The following TGFBR2 variants were observed in gnomAD, a reference collection of about 807,000 sequenced individuals.
TGFBR2 encodes the protein TGF-beta receptor type-2.
TGFBR2 carries 18 observed loss-of-function variants against 49.0 expected under a neutral mutation model. That is an observed-to-expected ratio of 0.37 (90% CI 0.25 to 0.54). The LOEUF (loss-of-function observed/expected upper bound fraction) is 0.54. Ranked by LOEUF, TGFBR2 falls within the 20% of genes least tolerant of loss-of-function variation. TGFBR2 has a pLI of 0.85. For synonymous variants in TGFBR2, 282 were observed against 275.9 expected (o/e 1.02, Z -0.22); for missense variants, 525 against 722.6 (o/e 0.73, Z 3.13).
At position 30,612,088 on chromosome 3, in the gene TGFBR2, T is replaced by C. The variant is rs536042597; in HGVS notation, c.94+5111T>C. Among the ~76,000 whole-genome samples the C allele has an allele frequency of 2.0e-5, 3 of 152,324 alleles. No homozygotes were observed. The South Asian group carries it at 6.2e-4, about 32-fold the overall frequency. ...GGCAAGATAATGACTCATACTTCTT[T>C]GCTTGGCATGCCAAAGGGTTTGGAA... On this transcript the variant is annotated intron_variant, in intron 1 of 6. Coordinates refer to ENST00000295754, the MANE Select transcript of TGFBR2 (RefSeq NM_003242.6).
chr3:30,666,187 C>T (rs548137805), intron 3 of TGFBR2, among the ~76,000 whole-genome samples: 1 of 152,134 alleles, frequency 6.6e-6, no homozygotes, highest in African/African-American at 2.4e-5. Context: ...CTATTATAGC[C>T]TCATTTTTTT....
chr3:30,657,316 G>A (rs1182794851), intron 3 of TGFBR2, among the ~76,000 whole-genome samples: 3 of 152,188 alleles, frequency 2.0e-5, no homozygotes, highest in Non-Finnish European at 4.4e-5. Context: ...CACTGAGCAT[G>A]TCCTTGGCAA....
At chr3:30,675,390 A>AT (rs892821908) in intron 5 of TGFBR2, among the ~76,000 whole-genome samples, 1 of 92,694 alleles carries the variant, frequency 1.1e-5, no homozygotes, top group African/African-American at 4.4e-5. Flanking sequence ...AACTAACTCC[A>AT]CCCTTTTTTT....
chr3:30,646,095 G>T (rs1016464385), intron 2 of TGFBR2, among the ~76,000 whole-genome samples: 3 of 152,106 alleles, frequency 2.0e-5, no homozygotes, highest in Admixed American at 6.5e-5. Flanking sequence ...CTGGCTAGTT[G>T]ACAAACAAGA....
chr3:30,679,928 C>T (rs1025323767), intron 5 of TGFBR2, among the ~76,000 whole-genome samples: 1 of 152,168 alleles, frequency 6.6e-6, no homozygotes, highest in Non-Finnish European at 1.5e-5. Context: ...GAGTTTAAGA[C>T]CAGCCTGGCC....
chr3:30,685,787 C>A (rs1265708254), intron 5 of TGFBR2, among the ~76,000 whole-genome samples: 1 of 152,220 alleles, frequency 6.6e-6, no homozygotes, highest in Non-Finnish European at 1.5e-5. Context: ...TATGAGCCAA[C>A]ACCTGTGGCA....
chr3:30,633,751 T>G (rs915744437), intron 1 of TGFBR2, among the ~76,000 whole-genome samples: 14 of 152,194 alleles, frequency 9.2e-5, no homozygotes, highest in Non-Finnish European at 8.8e-5. Context: ...CAGTTTTGCA[T>G]GTGAAATCTC....
Position 30,691,634 on chromosome 3 carries a change from G to A in TGFBR2, c.*35G>A. ...GGCAGGCTGGGCCATGTCCAAAGAG[G>A]CTGCCCCTCTCACCAAAGAACAGAG... On this transcript the variant is annotated 3_prime_UTR_variant, in exon 7 of 7. Coordinates refer to ENST00000295754, the MANE Select transcript of TGFBR2 (RefSeq NM_003242.6). 2.5e-6 allele frequency: 4 copies of A among 1,613,276 alleles called. No homozygotes were observed. In the South Asian group the frequency reaches 4.4e-5, roughly 18 times the overall value.
chr3:30,666,260 G>A (rs1427005903), intron 3 of TGFBR2, among the ~76,000 whole-genome samples: 1 of 152,004 alleles, frequency 6.6e-6, no homozygotes, highest in Non-Finnish European at 1.5e-5. Flanking sequence ...CTGGTTCAAT[G>A]TTATTACTAT....
At chr3:30,607,818 TATATATAAA>T (rs1388920433) in intron 1 of TGFBR2, among the ~76,000 whole-genome samples, 1 of 134,996 alleles carries the variant, frequency 7.4e-6, no homozygotes, top group African/African-American at 3.2e-5. Flanking sequence ...ATATATTATA[TATATATAAA>T]TATATATATA....
intron 5 of TGFBR2, among the ~76,000 whole-genome samples, chr3:30,680,992 C>T (rs1338525540): frequency 1.3e-5 from 2 of 151,966 alleles, no homozygotes; most frequent in South Asian, 2.1e-4. Flanking sequence ...TCTCGTCATC[C>T]CCAGCCAAAC....
chr3:30,657,179 C>A (rs1699018161), intron 3 of TGFBR2, among the ~76,000 whole-genome samples: 1 of 152,144 alleles, frequency 6.6e-6, no homozygotes, highest in South Asian at 2.1e-4. Context: ...AGAAGGAATA[C>A]CCTTACCCTT....
intron 3 of TGFBR2, among the ~76,000 whole-genome samples, chr3:30,663,889 T>G (rs1160973805): frequency 6.6e-6 from 1 of 151,498 alleles, no homozygotes; most frequent in African/African-American, 2.4e-5. Flanking sequence ...ATTTCTCTAG[T>G]TTTGAGGGCC....
intron 1 of TGFBR2, among the ~76,000 whole-genome samples, chr3:30,618,434 C>T (rs1024847287): frequency 6.6e-6 from 1 of 151,908 alleles, no homozygotes; most frequent in Admixed American, 6.6e-5. Context: ...GACACGGTTT[C>T]ACCATGTTGG....
At chr3:30,642,830 C>G (rs888859517) in intron 1 of TGFBR2, among the ~76,000 whole-genome samples, 10 of 152,080 alleles carry the variant, frequency 6.6e-5, no homozygotes, top group African/African-American at 2.4e-4. Context: ...GTGTTTCTCC[C>G]AAATTTCACA....
intron 1 of TGFBR2, among the ~76,000 whole-genome samples, chr3:30,631,984 C>A (rs1203389563): frequency 6.6e-6 from 1 of 152,036 alleles, no homozygotes; most frequent in African/African-American, 2.4e-5. Context: ...AAATGAGCTC[C>A]AGGAGAGAAG....
At chr3:30,626,435 T>G (rs1018759039) in intron 1 of TGFBR2, 4 of 152,412 alleles carry the variant, frequency 2.6e-5, no homozygotes, top group African/African-American at 9.7e-5. Context: ...TGGATGATTT[T>G]CCAAAAGAGA....
intron 1 of TGFBR2, among the ~76,000 whole-genome samples, chr3:30,644,323 C>T (rs1698692294): frequency 6.6e-6 from 1 of 152,148 alleles, no homozygotes; most frequent in Non-Finnish European, 1.5e-5. Flanking sequence ...CTGTGCTGCC[C>T]TCTATTTTGG....
rs375610471 is a variant in TGFBR2 at position 30,623,179 on chromosome 3, A to G, written c.94+16202A>G. 2.9e-4 allele frequency: 385 copies of G among 1,322,832 alleles called. No homozygotes were observed. The Admixed American group carries it at 6.0e-3, about 20-fold the overall frequency. 81.9% of individuals were successfully genotyped at this position (1,322,832 alleles called of 1,614,324 possible). A position where few individuals can be genotyped will look rare whatever the true frequency, so the allele number is the denominator to read the frequency against. ...TTAAAAACAGCTCTCTGAGATGGAT[A>G]TAATTATCCTGTTTTACAGATGTGG... On this transcript the variant is annotated intron_variant, in intron 1 of 6. Transcript: ENST00000295754.
Sources: gnomAD v4.1 joint callset for allele counts (sites outside exome capture counted in the v4.1 genomes callset) on GRCh38, gnomAD v4.1.1 for gene constraint, MANE v1.5 for transcripts, NCBI Gene and HGNC (gene_info 2026-07-23, HGNC 2026-07-21) for gene names.